LRRC4C: variants seen among roughly 807,000 people sequenced by gnomAD.
LRRC4C encodes leucine rich repeat containing 4C.
Under a neutral mutation model 33.6 loss-of-function variants are expected in LRRC4C, and 5 were observed. The observed-to-expected ratio is 0.15, with a 90% confidence interval of 0.08 to 0.31. LRRC4C has a LOEUF of 0.31. Ranked by LOEUF, LRRC4C falls within the 10% of genes least tolerant of loss-of-function variation. The pLI is 1.00. For synonymous variants in LRRC4C, 329 were observed against 302.0 expected (o/e 1.09, Z -0.93); for missense variants, 560 against 796.7 (o/e 0.70, Z 3.58).
chr11:41,387,229 T>C (rs1953397586), intron 1 of LRRC4C, among the ~76,000 whole-genome samples: 1 of 151,662 alleles, frequency 6.6e-6, no homozygotes, highest in African/African-American at 2.4e-5. Flanking sequence ...AAGTGGATAA[T>C]ATAATCCTCA....
At chr11:40,246,645 GT>G (rs1055501642) in intron 4 of LRRC4C, among the ~76,000 whole-genome samples, 7 of 151,658 alleles carry the variant, frequency 4.6e-5, no homozygotes, top group African/African-American at 1.5e-4. Flanking sequence ...TATATCTTCT[GT>G]TTTTTTTAAT....
intron 2 of LRRC4C, among the ~76,000 whole-genome samples, chr11:40,792,505 G>A (rs963408466): frequency 2.0e-5 from 3 of 152,202 alleles, no homozygotes; most frequent in Non-Finnish European, 4.4e-5. Flanking sequence ...TGGAGAGGAT[G>A]TGGAGAGATA....
chr11:40,890,209 G>A (rs956596822), intron 2 of LRRC4C, among the ~76,000 whole-genome samples: 38 of 152,090 alleles, frequency 2.5e-4, no homozygotes, highest in African/African-American at 6.0e-4. Context: ...AGGATATCAC[G>A]AAGTAGGTAA....
intron 1 of LRRC4C, among the ~76,000 whole-genome samples, chr11:41,074,538 C>T (rs764856057): frequency 3.3e-5 from 5 of 152,192 alleles, no homozygotes; most frequent in Non-Finnish European, 7.3e-5. Context: ...ATTTCTAGCA[C>T]TTACTCCTCT....
intron 1 of LRRC4C, among the ~76,000 whole-genome samples, chr11:41,050,344 A>T (rs1455585757): frequency 6.6e-6 from 1 of 152,128 alleles, no homozygotes; most frequent in Non-Finnish European, 1.5e-5. Flanking sequence ...GGGCCATGTT[A>T]CGTAGCTATA....
At chr11:40,314,212 A>G (rs777323821) in intron 4 of LRRC4C, among the ~76,000 whole-genome samples, 4 of 152,018 alleles carry the variant, frequency 2.6e-5, no homozygotes, top group African/African-American at 4.8e-5. Flanking sequence ...AAAGCAAACA[A>G]TCTGATTTTT....
At chr11:41,080,568 G>C (rs891866784) in intron 1 of LRRC4C, among the ~76,000 whole-genome samples, 2 of 151,912 alleles carry the variant, frequency 1.3e-5, no homozygotes, top group African/African-American at 4.8e-5. Context: ...GGTCAGGCTG[G>C]TCTCGAACTC....
intron 1 of LRRC4C, among the ~76,000 whole-genome samples, chr11:41,080,340 TCC>T (rs1939473150): frequency 9.6e-6 from 1 of 104,306 alleles, no homozygotes; most frequent in Non-Finnish European, 2.0e-5. Flanking sequence ...CAGAGTCTCC[TCC>T]TTTTTTTTTT....
At chr11:41,252,390 A>C (rs1948668830) in intron 1 of LRRC4C, among the ~76,000 whole-genome samples, 1 of 152,164 alleles carries the variant, frequency 6.6e-6, no homozygotes, top group Non-Finnish European at 1.5e-5. Flanking sequence ...TCAAACTGGC[A>C]AGCTGGAAGC....
chr11:40,713,796 A>C (rs960190981), intron 2 of LRRC4C, among the ~76,000 whole-genome samples: 2 of 152,170 alleles, frequency 1.3e-5, no homozygotes. Flanking sequence ...AATTACTGTA[A>C]TTTATGTTTC....
At chr11:41,434,302 G>A (rs1022376452) in intron 1 of LRRC4C, among the ~76,000 whole-genome samples, 2 of 151,896 alleles carry the variant, frequency 1.3e-5, no homozygotes, top group South Asian at 2.1e-4. Context: ...AAAGACATCT[G>A]GGAATCTCTT....
intron 2 of LRRC4C, among the ~76,000 whole-genome samples, chr11:40,718,929 AGAAG>A (rs1946866355): frequency 6.6e-6 from 1 of 152,160 alleles, no homozygotes; most frequent in African/African-American, 2.4e-5. Context: ...AATAAAGCAT[AGAAG>A]GAAGAAGAAA....
chr11:40,977,796 A>G (rs1852192595), intron 1 of LRRC4C, among the ~76,000 whole-genome samples: 1 of 152,206 alleles, frequency 6.6e-6, no homozygotes, highest in African/African-American at 2.4e-5. Flanking sequence ...TTTGTAAAAC[A>G]AACCTAGTGC....
At chr11:41,379,139 G>T (rs1324830225) in intron 1 of LRRC4C, among the ~76,000 whole-genome samples, 2 of 152,086 alleles carry the variant, frequency 1.3e-5, no homozygotes, top group Non-Finnish European at 2.9e-5. Flanking sequence ...AGAGAAAAAA[G>T]AATTATAATC....
intron 1 of LRRC4C, among the ~76,000 whole-genome samples, chr11:41,185,316 A>T (rs935017060): frequency 4.6e-5 from 7 of 152,156 alleles, no homozygotes; most frequent in African/African-American, 7.2e-5. Context: ...AGTAAAGTAG[A>T]TCAGGGTAGA....
intron 2 of LRRC4C, among the ~76,000 whole-genome samples, chr11:40,658,321 T>C (rs2136193868): frequency 6.6e-6 from 1 of 152,324 alleles, no homozygotes; most frequent in East Asian, 1.9e-4. Context: ...TCATGATGCT[T>C]AAATACTAAG....
At chr11:40,474,961 G>T (rs1434376932) in intron 3 of LRRC4C, among the ~76,000 whole-genome samples, 1 of 152,170 alleles carries the variant, frequency 6.6e-6, no homozygotes, top group Non-Finnish European at 1.5e-5. Flanking sequence ...AACAGATACT[G>T]CAGAGGATGT....
chr11:40,159,216 C>T (rs72885391), intron 5 of LRRC4C, among the ~76,000 whole-genome samples: 2,298 of 151,946 alleles, frequency 0.015, 25 homozygotes, highest in Non-Finnish European at 0.02. Context: ...TTTCAGATGG[C>T]GAAGATAATT....
At chr11:41,282,113 G>A (rs7941298) in intron 1 of LRRC4C, among the ~76,000 whole-genome samples, 93,578 of 152,062 alleles carry the variant, frequency 0.62, 29,608 homozygotes, top group African/African-American at 0.75. Flanking sequence ...ACCTGAAAGA[G>A]TAGAGCGATT....
Sources: gnomAD v4.1 joint callset for allele counts (sites outside exome capture counted in the v4.1 genomes callset) on GRCh38, gnomAD v4.1.1 for gene constraint, MANE v1.5 for transcripts, NCBI Gene and HGNC (gene_info 2026-07-23, HGNC 2026-07-21) for gene names.